The following MBD5 variants were observed in gnomAD, a reference collection of about 807,000 sequenced individuals.
MBD5 encodes methyl-CpG-binding domain protein 5.
A neutral mutation model predicts 117.3 loss-of-function variants in MBD5; 13 were observed. That is an observed-to-expected ratio of 0.11 (90% confidence interval 0.07 to 0.18). MBD5 has a LOEUF of 0.18. Ranked by LOEUF, MBD5 falls within the 10% of genes least tolerant of loss-of-function variation. The pLI is 1.00. For synonymous variants in MBD5, 727 were observed against 766.4 expected (o/e 0.95, Z 0.85); for missense variants, 1,879 against 2,093.8 (o/e 0.90, Z 2.00).
chr2:148,438,068 T>C (rs758290693), intron 4 of MBD5, among the ~76,000 whole-genome samples: 2 of 152,180 alleles, frequency 1.3e-5, no homozygotes, highest in African/African-American at 2.4e-5. Context: ...TTTCGTGGAG[T>C]CAAATTTGCA....
chr2:148,461,446 T>C (rs1274873697), intron 5 of MBD5, among the ~76,000 whole-genome samples: 1 of 152,204 alleles, frequency 6.6e-6, no homozygotes, highest in Non-Finnish European at 1.5e-5. Context: ...AAAATATGAA[T>C]TGCATTTTAA....
At chr2:148,481,975 T>C (rs886690655) in intron 8 of MBD5, among the ~76,000 whole-genome samples, 22 of 152,158 alleles carry the variant, frequency 1.4e-4, no homozygotes, top group Admixed American at 6.6e-5. Context: ...CTGGTCTAAT[T>C]TAAAAAATCA....
chr2:148,233,189 A>G (rs1700028760), intron 2 of MBD5, 56 bp from the exon 3 acceptor site: 1 of 152,244 alleles, frequency 6.6e-6, no homozygotes, highest in Non-Finnish European at 1.5e-5. Context: ...AAAAGAATAC[A>G]GAATAACTGG....
chr2:148,455,981 G>A (rs77312433), intron 4 of MBD5, among the ~76,000 whole-genome samples: 88 of 152,174 alleles, frequency 5.8e-4, no homozygotes, highest in Middle Eastern at 3.4e-3. Flanking sequence ...TTTCACAAGC[G>A]CTAGAAATTC....
intron 9 of MBD5, chr2:148,485,026 C>A (rs1681291787): frequency 6.6e-6 from 1 of 152,090 alleles, no homozygotes; most frequent in Admixed American, 6.5e-5. Context: ...TACAGATTTA[C>A]ATGTTTCAAG....
intron 2 of MBD5, among the ~76,000 whole-genome samples, chr2:148,201,024 G>A (rs1699126319): frequency 6.6e-6 from 1 of 152,238 alleles, no homozygotes; most frequent in South Asian, 2.1e-4. Flanking sequence ...TAGAGATGCA[G>A]TATTTTTCTT....
At chr2:148,074,997 A>G (rs1695468070) in intron 1 of MBD5, among the ~76,000 whole-genome samples, 1 of 152,190 alleles carries the variant, frequency 6.6e-6, no homozygotes, top group African/African-American at 2.4e-5. Context: ...AGAGGTGTCA[A>G]AAAGCATTTT....
At position 148,490,443 on chromosome 2, in the gene MBD5, C is replaced by T. The variant is rs774820392; in HGVS notation, c.4811C>T (p.Ser1604Phe). ...EDDLRNPDSP[S>F]SNELIHYRPR... Reference sequence around the variant, plus strand: ...GACCTAAGGAACCCAGACTCCCCCTCTTCAAATGAATTGATACATTATAGA... The same window carrying T: ...GACCTAAGGAACCCAGACTCCCCCTTTTCAAATGAATTGATACATTATAGA... Residue 1604 changes from serine (S) to phenylalanine (F), a missense_variant, in exon 11 of 14, where the codon TCT (serine) becomes TTT (phenylalanine). Around this residue, in one of 4 missense-constraint regions of MBD5, gnomAD observed 7 missense variants for 24.4 expected, o/e 0.29. Coordinates refer to ENST00000642680, the MANE Select transcript of MBD5 (RefSeq NM_001378120.1). 3.7e-6 allele frequency: 6 copies of T among 1,614,048 alleles called. No individual in the cohort carries two copies. In the African/African-American group the frequency reaches 4.0e-5, roughly 11 times the overall value.
At chr2:148,385,621 G>A (rs1322528305) in intron 4 of MBD5, among the ~76,000 whole-genome samples, 5 of 151,900 alleles carry the variant, frequency 3.3e-5, no homozygotes, top group African/African-American at 7.3e-5. Flanking sequence ...TATATACCCA[G>A]AGGATTATAA....
intron 2 of MBD5, among the ~76,000 whole-genome samples, chr2:148,180,328 T>TA (rs1001166823): frequency 2.7e-4 from 11 of 41,110 alleles, no homozygotes; most frequent in African/African-American, 4.6e-4. Flanking sequence ...ATCCTTCTAG[T>TA]AAAAAAAAAT....
Position 148,468,850 on chromosome 2 carries a change from T to C in MBD5, c.907T>C (p.Leu303=), listed in dbSNP as rs2105627074. 6.2e-7 allele frequency: 1 copy of C among 1,613,992 alleles called. No homozygotes were observed. ...GRTNIPLSPT[L]TTKSPVMKKP... is the part of the protein sequence containing the mutation. ...GACTAATATACCTCTTTCCCCAACCTTGACTACAAAGAGTCCAGTAATGAA... is the reference window on the plus strand; with the variant it reads ...GACTAATATACCTCTTTCCCCAACCCTGACTACAAAGAGTCCAGTAATGAA... The change falls in exon 8 of 14, where the codon TTG becomes CTG. Residue 303 remains leucine (L), a synonymous_variant. Coordinates refer to ENST00000642680, the MANE Select transcript of MBD5 (RefSeq NM_001378120.1).
chr2:148,465,191 T>C (rs1489411140), intron 7 of MBD5, among the ~76,000 whole-genome samples: 2 of 152,184 alleles, frequency 1.3e-5, no homozygotes, highest in African/African-American at 4.8e-5. Flanking sequence ...CTAGGAATAC[T>C]GCATAGATGA....
chr2:148,210,704 A>C (rs1161208995), intron 2 of MBD5, among the ~76,000 whole-genome samples: 1 of 152,044 alleles, frequency 6.6e-6, no homozygotes, highest in Non-Finnish European at 1.5e-5. Flanking sequence ...AAAACACACA[A>C]ATTATAAAAA....
intron 3 of MBD5, among the ~76,000 whole-genome samples, chr2:148,299,278 C>T (rs746384683): frequency 6.6e-6 from 1 of 152,048 alleles, no homozygotes; most frequent in Non-Finnish European, 1.5e-5. Flanking sequence ...CAGGCATGCA[C>T]CACCACACCC....
intron 1 of MBD5, among the ~76,000 whole-genome samples, chr2:148,104,672 G>A (rs992379405): frequency 6.6e-5 from 10 of 152,132 alleles, no homozygotes; most frequent in Non-Finnish European, 1.5e-4. Flanking sequence ...CATGCCAGTA[G>A]CAAATTAGAT....
chr2:148,232,456 A>G (rs1028989179), intron 2 of MBD5, among the ~76,000 whole-genome samples: 10 of 152,166 alleles, frequency 6.6e-5, no homozygotes, highest in African/African-American at 2.4e-4. Context: ...CAGAAATTTA[A>G]TGATGTGTGA....
At chr2:148,342,746 C>T (rs1031012354) in intron 4 of MBD5, among the ~76,000 whole-genome samples, 1 of 151,798 alleles carries the variant, frequency 6.6e-6, no homozygotes. Flanking sequence ...TTTATTTCAG[C>T]CTTTTTAAAA....
chr2:148,118,668 A>T (rs1224576929), intron 1 of MBD5, among the ~76,000 whole-genome samples: 2 of 151,816 alleles, frequency 1.3e-5, no homozygotes, highest in Non-Finnish European at 2.9e-5. Context: ...TCCATTAGTG[A>T]TCACTCCCCA....
At chr2:148,241,901 A>C (rs572480527) in intron 3 of MBD5, among the ~76,000 whole-genome samples, 3 of 152,166 alleles carry the variant, frequency 2.0e-5, no homozygotes, top group Non-Finnish European at 4.4e-5. Context: ...AGTTGTTGTC[A>C]GTGAGAGAGT....
Sources: gnomAD v4.1 joint callset for allele counts (sites outside exome capture counted in the v4.1 genomes callset) on GRCh38, gnomAD v4.1.1 for gene constraint, gnomAD v4.1.1 regional missense constraint, MANE v1.5 for transcripts, NCBI Gene and HGNC (gene_info 2026-07-23, HGNC 2026-07-21) for gene names.